The following PSMA5 variants were observed in gnomAD, a reference collection of about 807,000 sequenced individuals.
PSMA5 encodes the protein proteasome 20S subunit alpha 5, also known as proteasome subunit alpha type-5.
PSMA5 carries 3 observed loss-of-function variants against 34.5 expected under a neutral mutation model. The observed-to-expected ratio is 0.09, with a 90% CI of 0.04 to 0.22. The LOEUF (loss-of-function observed/expected upper bound fraction) is 0.22, where lower values mean the gene tolerates loss of function less well. Among genes scored for constraint, PSMA5 ranks in the 10% least tolerant of loss-of-function variants. The pLI is 1.00. For missense variants in PSMA5, 120 were observed against 286.1 expected, an observed-to-expected ratio of 0.42 and a Z score of 4.19; for synonymous variants, 88 against 95.8, an observed-to-expected ratio of 0.92 and a Z score of 0.47.
intron 3 of PSMA5, among the ~76,000 whole-genome samples, chr1:109,414,539 T>G (rs189861192): frequency 4.3e-4 from 66 of 152,360 alleles, no homozygotes; most frequent in Admixed American, 6.5e-4. Flanking sequence ...GCTCTCAATT[T>G]GTTGAACACA....
At chr1:109,424,916 G>A (rs776795489) in intron 1 of PSMA5, among the ~76,000 whole-genome samples, 5 of 152,184 alleles carry the variant, frequency 3.3e-5, no homozygotes, top group Non-Finnish European at 4.4e-5. Context: ...GAACCCAGGA[G>A]GCGGAGGTTG....
At chr1:109,424,618 A>C (rs1021946194) in intron 1 of PSMA5, among the ~76,000 whole-genome samples, 1 of 151,902 alleles carries the variant, frequency 6.6e-6, no homozygotes, top group African/African-American at 2.4e-5. Context: ...TCTACTAAAA[A>C]CACAAAAATT....
intron 2 of PSMA5, among the ~76,000 whole-genome samples, chr1:109,421,360 G>A (rs1473590680): frequency 6.6e-6 from 1 of 151,978 alleles, no homozygotes; most frequent in Admixed American, 6.6e-5. Flanking sequence ...GGTACTGGGA[G>A]GCTGAGGCAG....
chr1:109,421,473 AAAAAGAAAG>A (rs1407227832), intron 2 of PSMA5, among the ~76,000 whole-genome samples: 20 of 142,366 alleles, frequency 1.4e-4, no homozygotes, highest in African/African-American at 6.2e-4. Flanking sequence ...AAAAAAAAAA[AAAAAGAAAG>A]AAAAAGAAAG....
chr1:109,399,049 A>T lies in PSMA5; in HGVS notation c.*2964T>A, dbSNP rs200416322. The T allele has an allele frequency of 2.6e-5, 4 of 152,206 alleles. No individual in the cohort carries two copies. The East Asian group carries it at 7.7e-4, about 29-fold the overall frequency. 9.4% of individuals were successfully genotyped at this position (152,206 alleles called of 1,614,324 possible). A position where few individuals can be genotyped will look rare whatever the true frequency, so the allele number is the denominator to read the frequency against. ...CAAGTCATTACACTCAAAGCAAGTA[A>T]AGATTACTTTTAATTATAAACTGGC... On this transcript the variant is annotated 3_prime_UTR_variant, in exon 9 of 9. Coordinates refer to ENST00000271308, the MANE Select transcript of PSMA5 (RefSeq NM_002790.4).
At chr1:109,421,974 T>C (rs1399573560) in intron 1 of PSMA5, 48 bp from the exon 2 acceptor site, 8 of 1,216,432 alleles carry the variant, frequency 6.6e-6, no homozygotes, top group Non-Finnish European at 8.9e-6. Flanking sequence ...AAACTAGCCA[T>C]GTAGACACTG....
At chr1:109,403,831 T>C (rs1034182888) in intron 8 of PSMA5, among the ~76,000 whole-genome samples, 4 of 152,124 alleles carry the variant, frequency 2.6e-5, no homozygotes, top group Admixed American at 2.0e-4. Context: ...ACATCTGATA[T>C]CTGGGAACAG....
At position 109,426,410 on chromosome 1, in the gene PSMA5, G is replaced by C. The variant is rs374134883; in HGVS notation, c.-80C>G. The stretch of plus-strand genomic sequence containing the variant: ...TCCACCGGCACCCAACTCACCGGCA[G>C]CCAACTCACCCACACGGCCGCAGTA... On this transcript the variant is annotated 5_prime_UTR_variant, in exon 1 of 9. Transcript: ENST00000271308. 412 of 1,565,018 alleles carry C rather than the reference G, an allele frequency of 2.6e-4. No individual in the cohort carries two copies. In the African/African-American group the frequency reaches 4.9e-3, roughly 18 times the overall value.
intron 1 of PSMA5, among the ~76,000 whole-genome samples, chr1:109,423,802 C>A (rs555368993): frequency 6.6e-6 from 1 of 152,222 alleles, no homozygotes; most frequent in South Asian, 2.1e-4. Flanking sequence ...TTTCACCTAA[C>A]TATTGTTAAT....
chr1:109,414,578 A>C (rs1654121008), intron 3 of PSMA5, among the ~76,000 whole-genome samples: 1 of 152,226 alleles, frequency 6.6e-6, no homozygotes. Context: ...CAAAAGACCA[A>C]GTGACTTGAG....
chr1:109,405,174 A>G (rs759868648), intron 8 of PSMA5, among the ~76,000 whole-genome samples: 14 of 152,208 alleles, frequency 9.2e-5, no homozygotes, highest in African/African-American at 3.4e-4. Flanking sequence ...GGTTAAAAGT[A>G]TAAGACCTAA....
Position 109,401,139 on chromosome 1 carries a change from G to A in PSMA5, c.*874C>T, listed in dbSNP as rs1571008980. 6.6e-6 allele frequency: 1 copy of A among 152,294 alleles called. No individual in the cohort carries two copies. The highest frequency in any genetic ancestry group is 2.1e-4 in the South Asian group (1 of 4,820). 9.4% of individuals were successfully genotyped at this position (152,294 alleles called of 1,614,324 possible). Reference sequence around the variant, plus strand: ...ATCATATGATGGCAGCTCTAATGGGGAAAGTTCATCATTCATTCCAAAGTC... The same window carrying A: ...ATCATATGATGGCAGCTCTAATGGGAAAAGTTCATCATTCATTCCAAAGTC... On this transcript the variant is annotated 3_prime_UTR_variant, in exon 9 of 9. Coordinates refer to ENST00000271308, the MANE Select transcript of PSMA5 (RefSeq NM_002790.4).
chr1:109,426,204 C>T, intron 1 of PSMA5, 98 bp downstream of exon 1: 1 of 1,525,024 alleles, frequency 6.6e-7, no homozygotes, highest in Non-Finnish European at 9.1e-7. Flanking sequence ...TCTCGGGTTC[C>T]TGGGGAGCCC....
rs1369424744 is a variant in PSMA5 at position 109,424,200 on chromosome 1, T to A, written c.29+2102A>T. On this transcript the variant is annotated intron_variant, in intron 1 of 8. Coordinates refer to ENST00000271308, the MANE Select transcript of PSMA5 (RefSeq NM_002790.4). ...TTTTCCATGATCGTCTCATATTGAA[T>A]GCAATCCCTCATCAAAACTTCCATG... Among the ~76,000 whole-genome samples the A allele has an allele frequency of 2.6e-5, 4 of 152,220 alleles. No homozygotes were observed. The East Asian group carries it at 7.7e-4, about 29-fold the overall frequency.
intron 2 of PSMA5, among the ~76,000 whole-genome samples, chr1:109,419,374 T>C (rs1465578022): frequency 6.6e-6 from 1 of 152,058 alleles, no homozygotes; most frequent in East Asian, 1.9e-4. Context: ...CAAGATTTCA[T>C]TAAGAATCCT....
At chr1:109,423,055 T>G (rs746236873) in intron 1 of PSMA5, among the ~76,000 whole-genome samples, 18 of 152,230 alleles carry the variant, frequency 1.2e-4, no homozygotes, top group Non-Finnish European at 2.6e-4. Flanking sequence ...GAGCACACAA[T>G]GGACACAAAA....
chr1:109,424,298 C>CTT (rs201914256), intron 1 of PSMA5, among the ~76,000 whole-genome samples: 5 of 145,764 alleles, frequency 3.4e-5, no homozygotes, highest in Admixed American at 6.9e-5. Context: ...GTAAACAATT[C>CTT]TTTTTTTTTT....
intron 2 of PSMA5, among the ~76,000 whole-genome samples, chr1:109,416,922 T>C (rs1194436755): frequency 6.6e-6 from 1 of 152,130 alleles, no homozygotes; most frequent in African/African-American, 2.4e-5. Flanking sequence ...CTGGGCAACA[T>C]GGTGAAACCC....
chr1:109,415,510 G>T, intron 2 of PSMA5, 147 bp from the exon 3 acceptor site: 1 of 649,142 alleles, frequency 1.5e-6, no homozygotes, highest in Non-Finnish European at 2.3e-6. Flanking sequence ...CTAACATACT[G>T]TAAGTAATTA....
Sources: allele counts gnomAD v4.1 joint callset (sites outside exome capture counted in the v4.1 genomes callset), GRCh38; gene constraint gnomAD v4.1.1; transcripts MANE v1.5; gene names NCBI Gene and HGNC (gene_info 2026-07-23, HGNC 2026-07-21).